Variants in DLGAP1 observed in about 807,000 individuals in gnomAD.
The protein encoded by DLGAP1 is disks large-associated protein 1.
Under a neutral mutation model 90.8 loss-of-function variants are expected in DLGAP1, and 11 were observed. The ratio of observed to expected loss-of-function variants is 0.12; its 90% CI spans 0.08 to 0.20. The LOEUF is 0.20. Ranked by LOEUF, DLGAP1 falls within the 10% of genes least tolerant of loss-of-function variation. The pLI is 1.00. For synonymous variants in DLGAP1, 558 were observed against 540.7 expected (o/e 1.03, Z -0.44); for missense variants, 1,050 against 1,333.8 (o/e 0.79, Z 3.31).
rs974798241 is a variant in DLGAP1, at chr18:3,727,219, T to A, written c.1591+1916A>T. On this transcript the variant is annotated intron_variant, in intron 7 of 12. Coordinates refer to ENST00000315677, the MANE Select transcript of DLGAP1 (RefSeq NM_004746.4). The surrounding 1 kb of genome is among the most constrained non-coding windows in gnomAD (Gnocchi z 4.7). ...GATTTTATTTGGCAACTCTATTGCT[T>A]GAGCTCTGGGAGCCTCCAGAGTATC... is the stretch of plus-strand genomic sequence containing the variant. Among the ~76,000 whole-genome samples, 2 of 152,302 alleles carry A rather than the reference T, an allele frequency of 1.3e-5. No individual in the cohort carries two copies. Among genetic ancestry groups the A allele is most frequent in the South Asian group, 4.1e-4 (2 of 4,822 alleles).
At chr18:4,372,742 C>G (rs2081941790) in intron 1 of DLGAP1, among the ~76,000 whole-genome samples, 1 of 151,990 alleles carries the variant, frequency 6.6e-6, no homozygotes, top group African/African-American at 2.4e-5. Context: ...GCCTGGCCAA[C>G]ATGGTGAAAC....
At chr18:3,866,560 A>T (rs530349341) in intron 4 of DLGAP1, among the ~76,000 whole-genome samples, 1 of 152,200 alleles carries the variant, frequency 6.6e-6, no homozygotes, top group Admixed American at 6.5e-5. Flanking sequence ...ATTGTTTTAC[A>T]TGTTTTGCTT....
chr18:3,920,292 G>A (rs577551610), intron 3 of DLGAP1, among the ~76,000 whole-genome samples: 62 of 151,174 alleles, frequency 4.1e-4, no homozygotes, highest in African/African-American at 1.4e-3. Flanking sequence ...GCAGTGAGCC[G>A]GGGGTTGCAG....
intron 2 of DLGAP1, among the ~76,000 whole-genome samples, chr18:4,149,800 C>T (rs544629618): frequency 6.1e-4 from 93 of 152,332 alleles, no homozygotes; most frequent in Non-Finnish European, 1.1e-3. Flanking sequence ...TCCCCACCTC[C>T]CCACCCTGTC....
chr18:4,122,971 C>T (rs2076176908), intron 2 of DLGAP1, among the ~76,000 whole-genome samples: 1 of 152,172 alleles, frequency 6.6e-6, no homozygotes. Context: ...CTTCTCACTC[C>T]ATTGCCCCAA....
At chr18:3,781,907 A>ACTTGT (rs2065210782) in intron 5 of DLGAP1, among the ~76,000 whole-genome samples, 1 of 152,216 alleles carries the variant, frequency 6.6e-6, no homozygotes, top group East Asian at 1.9e-4. Flanking sequence ...TCTAGGTACA[A>ACTTGT]GGTACACACC....
At chr18:4,322,313 A>G (rs2080711506) in intron 1 of DLGAP1, among the ~76,000 whole-genome samples, 1 of 152,216 alleles carries the variant, frequency 6.6e-6, no homozygotes, top group South Asian at 2.1e-4. Flanking sequence ...AGGGAGTGGA[A>G]TAGGAGAGGT....
At chr18:3,685,611 A>ATTT (rs2060676801) in intron 7 of DLGAP1, among the ~76,000 whole-genome samples, 2 of 140,276 alleles carry the variant, frequency 1.4e-5, no homozygotes, top group African/African-American at 6.2e-5. Flanking sequence ...GGTACCCTTT[A>ATTT]ATTATTTATT....
At position 4,368,636 on chromosome 18, in the gene DLGAP1, TACACACACACAC is replaced by T. The variant is rs55840615; in HGVS notation, c.-267+86358_-267+86369del. 2.5e-3 allele frequency among the ~76,000 whole-genome samples: 333 copies of T among 135,004 alleles called. 1 individual carries two copies. Among genetic ancestry groups the T allele is most frequent in the East Asian group, 0.014 (66 of 4,590 alleles). The allele number at this position is 135,004 out of a possible 152,430, so 88.6% of individuals were successfully genotyped here. A position where few individuals can be genotyped will look rare whatever the true frequency, so the allele number is the denominator to read the frequency against. ...TTAAAATCTCTCTCTCTCTCTCTCA[TACACACACACAC>T]ACACACACACACACACACACACACA... On this transcript the variant is annotated intron_variant, in intron 1 of 12. Coordinates refer to ENST00000315677, the MANE Select transcript of DLGAP1 (RefSeq NM_004746.4).
chr18:3,906,935 T>C (rs1173574178), intron 3 of DLGAP1, among the ~76,000 whole-genome samples: 3 of 152,226 alleles, frequency 2.0e-5, no homozygotes, highest in Non-Finnish European at 4.4e-5. Flanking sequence ...TATACGTTTG[T>C]ATTTTAAAAA....
At chr18:3,898,624 G>C (rs926033623) in intron 3 of DLGAP1, among the ~76,000 whole-genome samples, 3 of 152,160 alleles carry the variant, frequency 2.0e-5, no homozygotes, top group African/African-American at 7.2e-5. Flanking sequence ...GCTGGGGATG[G>C]GGGTGGCAAG....
chr18:3,741,187 A>ACCACATCACCACCACCACC (rs2062983306), intron 6 of DLGAP1, among the ~76,000 whole-genome samples: 2 of 33,912 alleles, frequency 5.9e-5, no homozygotes, highest in Admixed American at 3.0e-4. Flanking sequence ...CACCACCACC[A>ACCACATCACCACCACCACC]CCACCACCAC....
At chr18:4,183,153 A>T (rs2077236059) in intron 1 of DLGAP1, among the ~76,000 whole-genome samples, 1 of 152,178 alleles carries the variant, frequency 6.6e-6, no homozygotes, top group African/African-American at 2.4e-5. Context: ...AATTCTTGGC[A>T]TTTTGAATAT....
At chr18:4,080,668 C>T (rs1397173581) in intron 2 of DLGAP1, among the ~76,000 whole-genome samples, 8 of 152,172 alleles carry the variant, frequency 5.3e-5, no homozygotes, top group South Asian at 2.1e-4. Context: ...GAAGTTTCAT[C>T]TATAGAACAA....
intron 7 of DLGAP1, among the ~76,000 whole-genome samples, chr18:3,592,101 T>A (rs373825342): frequency 5.3e-5 from 8 of 150,992 alleles, no homozygotes; most frequent in African/African-American, 1.9e-4. Flanking sequence ...CTAGGGAGGG[T>A]CCCACAGAGA....
chr18:4,422,802 AT>A (rs1463136187), intron 1 of DLGAP1, among the ~76,000 whole-genome samples: 1 of 152,106 alleles, frequency 6.6e-6, no homozygotes, highest in Non-Finnish European at 1.5e-5. Context: ...CTTTCATTAT[AT>A]TTAAGAAAAA....
At chr18:3,592,508 T>C (rs892552065) in intron 7 of DLGAP1, among the ~76,000 whole-genome samples, 1 of 152,036 alleles carries the variant, frequency 6.6e-6, no homozygotes, top group African/African-American at 2.4e-5. Flanking sequence ...AGAGAGCAAA[T>C]CCTTACTCTG....
chr18:3,622,252 C>A (rs1044029572), intron 7 of DLGAP1, among the ~76,000 whole-genome samples: 2 of 151,878 alleles, frequency 1.3e-5, no homozygotes, highest in African/African-American at 4.8e-5. Flanking sequence ...CTACAGGCGC[C>A]CACCAACACG....
At chr18:3,649,444 G>A (rs577128955) in intron 7 of DLGAP1, among the ~76,000 whole-genome samples, 15 of 152,324 alleles carry the variant, frequency 9.8e-5, no homozygotes, top group South Asian at 2.1e-4. Context: ...TGGCTTTGCC[G>A]AAAATGAAAC....
Sources: gnomAD v4.1 joint callset for allele counts (sites outside exome capture counted in the v4.1 genomes callset) on GRCh38, gnomAD v4.1.1 for gene constraint, Gnocchi (gnomAD v3.1) non-coding constraint, MANE v1.5 for transcripts, NCBI Gene and HGNC (gene_info 2026-07-23, HGNC 2026-07-21) for gene names.